The following PDE1C variants were observed in gnomAD, a reference collection of about 807,000 sequenced individuals.
PDE1C encodes the protein phosphodiesterase 1C, also known as dual specificity calcium/calmodulin-dependent 3',5'-cyclic nucleotide phosphodiesterase 1C.
PDE1C carries 62 observed loss-of-function variants against 93.1 expected under a neutral mutation model. The ratio of observed to expected loss-of-function variants is 0.67; its 90% confidence interval spans 0.54 to 0.82. The LOEUF is 0.82. PDE1C is among the 40% of genes least tolerant of loss of function. The pLI is 0.00. For missense variants in PDE1C, 742 were observed against 884.6 expected, an observed-to-expected ratio of 0.84 and a Z score of 2.04; for synonymous variants, 325 against 310.1, an observed-to-expected ratio of 1.05 and a Z score of -0.50.
intron 3 of PDE1C, among the ~76,000 whole-genome samples, chr7:32,120,715 T>A (rs113795926): frequency 1.3e-5 from 2 of 151,756 alleles, no homozygotes; most frequent in African/African-American, 4.8e-5. Context: ...AAAAACCCCA[T>A]CCAAGGTTCA....
intron 2 of PDE1C, among the ~76,000 whole-genome samples, chr7:31,992,814 A>G (rs1784290746): frequency 6.6e-6 from 1 of 152,206 alleles, no homozygotes; most frequent in Non-Finnish European, 1.5e-5. Context: ...ATTGCCACAC[A>G]GAGAACATAA....
the PDE1C span, among the ~76,000 whole-genome samples, chr7:31,715,265 G>C: frequency 6.7e-6 from 1 of 150,118 alleles, no homozygotes; most frequent in Non-Finnish European, 1.5e-5. Flanking sequence ...TTGAGAAAAA[G>C]TCTTGCTCTG....
At chr7:32,091,959 A>C (rs1380439625) in intron 3 of PDE1C, among the ~76,000 whole-genome samples, 1 of 152,170 alleles carries the variant, frequency 6.6e-6, no homozygotes, top group Non-Finnish European at 1.5e-5. Flanking sequence ...AACAGAGAGA[A>C]GTATATTCTG....
At chr7:31,852,522 C>T (rs1583608881) in intron 7 of PDE1C, among the ~76,000 whole-genome samples, 1 of 152,108 alleles carries the variant, frequency 6.6e-6, no homozygotes, top group Admixed American at 6.5e-5. Flanking sequence ...TTCATTGTCT[C>T]GGGGGGCCCC....
chr7:31,960,031 AT>A (rs34144960), intron 2 of PDE1C, among the ~76,000 whole-genome samples: 12 of 148,976 alleles, frequency 8.1e-5, no homozygotes, highest in African/African-American at 2.2e-4. Flanking sequence ...ACGCACAGCT[AT>A]TTTTTTTTTG....
intron 2 of PDE1C, among the ~76,000 whole-genome samples, chr7:31,989,457 GATATATT>G (rs1375851664): frequency 6.6e-6 from 1 of 152,062 alleles, no homozygotes; most frequent in African/African-American, 2.4e-5. Flanking sequence ...ATACATACAT[GATATATT>G]ATATATCTAC....
chr7:32,297,395 T>C (rs1812655612), intron 1 of PDE1C, among the ~76,000 whole-genome samples: 1 of 152,092 alleles, frequency 6.6e-6, no homozygotes, highest in Non-Finnish European at 1.5e-5. Context: ...TTGGAAGTAC[T>C]TGAGTACTTC....
intron 1 of PDE1C, among the ~76,000 whole-genome samples, chr7:32,210,129 C>CTA (rs1165020328): frequency 1.3e-5 from 2 of 152,214 alleles, no homozygotes; most frequent in Admixed American, 1.3e-4. Context: ...GCAGGGCAGG[C>CTA]TACCTCCTAC....
chr7:31,978,933 T>G (rs535060468), intron 2 of PDE1C, among the ~76,000 whole-genome samples: 60 of 152,318 alleles, frequency 3.9e-4, no homozygotes, highest in African/African-American at 1.4e-3. Flanking sequence ...CATAAAAATC[T>G]CATTCTCAAA....
At chr7:31,862,833 T>G (rs551409009) in intron 7 of PDE1C, among the ~76,000 whole-genome samples, 1 of 152,336 alleles carries the variant, frequency 6.6e-6, no homozygotes, top group South Asian at 2.1e-4. Flanking sequence ...TCTAATCAAT[T>G]CTATTGATAT....
chr7:32,321,684 G>A (rs1258922995), intron 1 of PDE1C, among the ~76,000 whole-genome samples: 1 of 152,220 alleles, frequency 6.6e-6, no homozygotes, highest in East Asian at 1.9e-4. Context: ...AACTTGAGAT[G>A]TAATCAGCTT....
At chr7:31,711,239 A>G in the PDE1C span, among the ~76,000 whole-genome samples, 1 of 152,346 alleles carries the variant, frequency 6.6e-6, no homozygotes, top group South Asian at 2.1e-4. Flanking sequence ...TTTCAGAAAA[A>G]CAATATATAC....
intron 1 of PDE1C, among the ~76,000 whole-genome samples, chr7:32,399,697 C>T (rs987240891): frequency 6.6e-6 from 1 of 151,406 alleles, no homozygotes; most frequent in Non-Finnish European, 1.5e-5. Flanking sequence ...ATTCTCATGC[C>T]TCAGCCTCCC....
chr7:31,751,770 A>G lies in PDE1C; in HGVS notation c.*1614T>C, dbSNP rs1249752317. On this transcript the variant is annotated 3_prime_UTR_variant, in exon 18 of 18. Coordinates refer to ENST00000396191, the MANE Select transcript of PDE1C (RefSeq NM_001191057.4). ...AAGCACATTATAAATAAACTGCCCA[A>G]TAGCATGGTAGGCACTAAATTCCGG... 6.6e-6 allele frequency: 1 copy of G among 152,200 alleles called. No homozygotes were observed. Among genetic ancestry groups the G allele is most frequent in the Non-Finnish European group, 1.5e-5 (1 of 68,042 alleles). The allele number at this position is 152,200 out of a possible 1,614,324, so 9.4% of individuals were successfully genotyped here.
At chr7:32,318,035 C>T (rs574006747) in intron 1 of PDE1C, among the ~76,000 whole-genome samples, 7 of 152,322 alleles carry the variant, frequency 4.6e-5, no homozygotes, top group Middle Eastern at 3.4e-3. Flanking sequence ...AACTAGTTAG[C>T]TCTGGTGCCA....
At chr7:31,994,105 T>G (rs1448353467) in intron 2 of PDE1C, among the ~76,000 whole-genome samples, 3 of 152,064 alleles carry the variant, frequency 2.0e-5, no homozygotes, top group Non-Finnish European at 1.5e-5. Context: ...CAGTAGCAAG[T>G]GCACCAAGCC....
intron 2 of PDE1C, among the ~76,000 whole-genome samples, chr7:32,022,882 C>A (rs1354074697): frequency 6.6e-6 from 1 of 151,532 alleles, no homozygotes; most frequent in Admixed American, 6.6e-5. Context: ...TATGGGAAAT[C>A]AATATAAAAT....
At chr7:32,413,658 G>A (rs1405078305) in intron 1 of PDE1C, among the ~76,000 whole-genome samples, 2 of 152,074 alleles carry the variant, frequency 1.3e-5, no homozygotes, top group African/African-American at 4.8e-5. Context: ...GTTGGAGATG[G>A]TTGTACAACA....
At chr7:31,951,684 C>T (rs763024340) in intron 2 of PDE1C, among the ~76,000 whole-genome samples, 13 of 152,256 alleles carry the variant, frequency 8.5e-5, no homozygotes, top group South Asian at 2.1e-4. Context: ...TTCTCCATGG[C>T]GAAGACTTTT....
Sources: allele counts gnomAD v4.1 joint callset (sites outside exome capture counted in the v4.1 genomes callset), GRCh38; gene constraint gnomAD v4.1.1; transcripts MANE v1.5; gene names NCBI Gene and HGNC (gene_info 2026-07-23, HGNC 2026-07-21).